Variants in LANCL3 observed in about 807,000 individuals in gnomAD.
The protein encoded by LANCL3 is LanC like family member 3.
A neutral mutation model predicts 26.5 loss-of-function variants in LANCL3; 19 were observed. The ratio of observed to expected loss-of-function variants is 0.72; its 90% CI spans 0.50 to 1.05. LANCL3 has a LOEUF of 1.05. LANCL3 is among the 50% of genes least tolerant of loss of function. The pLI is 0.00. For synonymous variants in LANCL3, 160 were observed against 166.6 expected (o/e 0.96, Z 0.30); for missense variants, 318 against 362.7 (o/e 0.88, Z 1.00).
chrX:37,667,291 A>G lies in LANCL3; in HGVS notation c.905A>G (p.Tyr302Cys). The G allele has an allele frequency of 9.0e-7, 1 of 1,116,347 alleles. No homozygotes were observed. Among genetic ancestry groups the G allele is most frequent in the Non-Finnish European group, 1.2e-6 (1 of 847,939 alleles). 92.0% of individuals were successfully genotyped at this position (1,116,347 alleles called of 1,213,427 possible). The change falls in exon 4 of 5, where the codon TAT (tyrosine) becomes TGT (cysteine). Residue 302 changes from tyrosine (Y) to cysteine (C), a missense_variant. Transcript: ENST00000378619. Reference sequence around the variant, plus strand: ...TTTGATGTTTTCACAGGAATTGCCTATCTGTTTGCCAAAGCTTATCTGGTT... The same window carrying G: ...TTTGATGTTTTCACAGGAATTGCCTGTCTGTTTGCCAAAGCTTATCTGGTT... The part of the protein sequence containing the change: ...HWCHGAPGIA[Y>C]LFAKAYLVSK...
intron 4 of LANCL3, 34 bp from the exon 5 acceptor site, chrX:37,675,620 A>C: frequency 3.1e-6 from 3 of 968,390 alleles, no homozygotes; most frequent in Non-Finnish European, 4.1e-6. Flanking sequence ...GGAAACACTC[A>C]TGTTAAACTG....
At chrX:37,599,852 A>G (rs1924534837) in intron 1 of LANCL3, among the ~76,000 whole-genome samples, 1 of 112,108 alleles carries the variant, frequency 8.9e-6, no homozygotes, top group Non-Finnish European at 1.9e-5. Context: ...TTCTGTGGGC[A>G]CTCTGTTGAC....
chrX:37,635,028 A>T (rs1185362927), intron 1 of LANCL3, among the ~76,000 whole-genome samples: 2 of 107,468 alleles, frequency 1.9e-5, no homozygotes, highest in Non-Finnish European at 1.9e-5. Flanking sequence ...TCACAGAATT[A>T]AAAAAAAAAG....
At chrX:37,594,325 G>T (rs1469251529) in intron 1 of LANCL3, among the ~76,000 whole-genome samples, 2 of 111,970 alleles carry the variant, frequency 1.8e-5, no homozygotes, top group Admixed American at 1.9e-4. Flanking sequence ...TTTAATTCTT[G>T]CAATATCTCC....
Position 37,683,723 on chromosome X carries a change from T to C in LANCL3, c.*7910T>C, listed in dbSNP as rs1466176653. The C allele has an allele frequency of 1.1e-4, 12 of 112,110 alleles. No individual in the cohort carries two copies. The highest frequency in any genetic ancestry group is 1.7e-4 in the Non-Finnish European group (9 of 53,224). 9.2% of individuals were successfully genotyped at this position (112,110 alleles called of 1,213,427 possible). On this transcript the variant is annotated 3_prime_UTR_variant, in exon 5 of 5. Transcript: ENST00000378619. ...GAATATTTTGCCAGATATTTTACTA[T>C]ATCACAAAATGTCATACTACTGTAT...
chrX:37,587,865 A>AAT (rs782774701), intron 1 of LANCL3, among the ~76,000 whole-genome samples: 6 of 112,004 alleles, frequency 5.4e-5, no homozygotes, highest in Non-Finnish European at 1.1e-4. Flanking sequence ...GAAATGCAGA[A>AAT]ATCACCCATC....
In LANCL3 at chrX:37,678,146, G is replaced by A. The variant is rs1463948123; in HGVS notation, c.*2333G>A. On this transcript the variant is annotated 3_prime_UTR_variant, in exon 5 of 5. Coordinates refer to ENST00000378619, the MANE Select transcript of LANCL3 (RefSeq NM_001170331.2). ...TATTGTCTTTATGAAATGACATTTC[G>A]GTAAATTAGAAACAACAATAGGCTT... 1.8e-5 allele frequency: 2 copies of A among 111,478 alleles called. No individual in the cohort carries two copies. Among genetic ancestry groups the A allele is most frequent in the African/African-American group, 3.3e-5 (1 of 30,766 alleles). 9.2% of individuals were successfully genotyped at this position (111,478 alleles called of 1,213,427 possible).
intron 4 of LANCL3, among the ~76,000 whole-genome samples, chrX:37,672,730 G>A (rs67614978): frequency 0.32 from 35,195 of 110,335 alleles, 6,181 homozygotes; most frequent in African/African-American, 0.69. Context: ...CACTCACAAC[G>A]GGAACTGGTT....
At chrX:37,665,658 A>G (rs1335093407) in intron 3 of LANCL3, among the ~76,000 whole-genome samples, 14 of 112,197 alleles carry the variant, frequency 1.2e-4, no homozygotes, top group African/African-American at 4.5e-4. Flanking sequence ...CATTTATTCA[A>G]TATCACCCAG....
At chrX:37,674,877 C>G (rs1278088845) in intron 4 of LANCL3, among the ~76,000 whole-genome samples, 2 of 111,112 alleles carry the variant, frequency 1.8e-5, no homozygotes, top group Non-Finnish European at 3.8e-5. Flanking sequence ...TATTTGTGTT[C>G]TTGATGGGAA....
intron 1 of LANCL3, among the ~76,000 whole-genome samples, chrX:37,573,218 G>A (rs1923652031): frequency 8.9e-6 from 1 of 112,022 alleles, no homozygotes; most frequent in African/African-American, 3.3e-5. Context: ...TTTGAAATCA[G>A]CATGTGGTTA....
At chrX:37,614,403 A>G (rs1924955980) in intron 1 of LANCL3, among the ~76,000 whole-genome samples, 1 of 112,013 alleles carries the variant, frequency 8.9e-6, no homozygotes, top group Non-Finnish European at 1.9e-5. Flanking sequence ...TGCGGGACAC[A>G]TTTTGTTTTA....
intron 1 of LANCL3, among the ~76,000 whole-genome samples, chrX:37,586,100 T>C (rs1924070159): frequency 1.8e-5 from 2 of 111,982 alleles, no homozygotes; most frequent in African/African-American, 6.5e-5. Context: ...AAAATTCTTT[T>C]CTTTAAGAAT....
chrX:37,587,675 T>A (rs1424301061), intron 1 of LANCL3, among the ~76,000 whole-genome samples: 1 of 112,549 alleles, frequency 8.9e-6, no homozygotes, highest in Non-Finnish European at 1.9e-5. Flanking sequence ...AGTGACCCGG[T>A]TTTCCAGGTG....
In LANCL3 at chrX:37,588,925, C is replaced by A. The variant is rs1468845459; in HGVS notation, c.573+16482C>A. Among the ~76,000 whole-genome samples, 7 of 111,619 alleles carry A rather than the reference C, an allele frequency of 6.3e-5. No individual in the cohort carries two copies. In the East Asian group the frequency reaches 2.0e-3, roughly 31 times the overall value. ...CTTTGCATGGAATGGATTCCCCGTG[C>A]TCAGTGGTGTGTTGAAATCTGGTGT... On this transcript the variant is annotated intron_variant, in intron 1 of 4. Transcript: ENST00000378619.
At chrX:37,575,353 G>C (rs1383848328) in intron 1 of LANCL3, among the ~76,000 whole-genome samples, 3 of 111,474 alleles carry the variant, frequency 2.7e-5, no homozygotes, top group African/African-American at 9.8e-5. Flanking sequence ...TGTCTTCGCT[G>C]ATTAGAATGT....
chrX:37,635,110 T>G (rs1297405444), intron 1 of LANCL3, among the ~76,000 whole-genome samples: 4 of 110,930 alleles, frequency 3.6e-5, no homozygotes, highest in African/African-American at 1.3e-4. Flanking sequence ...ACTGGAACAA[T>G]TCTGATCTGG....
At chrX:37,639,183 A>G (rs1556425649) in intron 1 of LANCL3, among the ~76,000 whole-genome samples, 1 of 103,110 alleles carries the variant, frequency 9.7e-6, no homozygotes, top group Non-Finnish European at 2.0e-5. Flanking sequence ...ATCCATATAT[A>G]CATACATATA....
rs1926813414 is a variant in LANCL3 at position 37,676,561 on chromosome X, A to G, written c.*748A>G. ...CTTATACTATAGCAAGTGTTGCTGT[A>G]AAGTGTTTTTCTCCATAGGAAGTGT... On this transcript the variant is annotated 3_prime_UTR_variant, in exon 5 of 5. Transcript: ENST00000378619. 1 of 112,066 alleles carries G rather than the reference A, an allele frequency of 8.9e-6. No individual in the cohort carries two copies. Among genetic ancestry groups the G allele is most frequent in the Non-Finnish European group, 1.9e-5 (1 of 53,186 alleles). The allele number at this position is 112,066 out of a possible 1,213,427, so 9.2% of individuals were successfully genotyped here. A position where few individuals can be genotyped will look rare whatever the true frequency, so the allele number is the denominator to read the frequency against.
Sources: allele counts gnomAD v4.1 joint callset (sites outside exome capture counted in the v4.1 genomes callset), GRCh38; gene constraint gnomAD v4.1.1; transcripts MANE v1.5; gene names NCBI Gene and HGNC (gene_info 2026-07-23, HGNC 2026-07-21).